The following SPAG16 variants were observed in gnomAD, a reference collection of about 807,000 sequenced individuals.
SPAG16 encodes the protein sperm associated antigen 16.
In SPAG16, 86 loss-of-function variants were observed where a neutral mutation model predicts 80.4. The ratio of observed to expected loss-of-function variants is 1.07; its 90% CI spans 0.90 to 1.28. SPAG16 has a LOEUF of 1.28. SPAG16 is among the 50% of genes most tolerant of loss of function. SPAG16 has a pLI of 0.00. For missense variants in SPAG16, 870 were observed against 765.3 expected (o/e 1.14, Z -1.61); for synonymous variants, 294 against 265.9 (o/e 1.11, Z -1.03).
chr2:213,736,228 G>A (rs146740869), intron 10 of SPAG16, among the ~76,000 whole-genome samples: 1 of 152,068 alleles, frequency 6.6e-6, no homozygotes, highest in East Asian at 1.9e-4. Flanking sequence ...AAATGTTTTG[G>A]GATTATCATA....
intron 12 of SPAG16, among the ~76,000 whole-genome samples, chr2:213,943,904 G>T (rs1327287970): frequency 6.6e-6 from 1 of 152,156 alleles, no homozygotes; most frequent in Non-Finnish European, 1.5e-5. Context: ...AGAAATACTG[G>T]CACCAAAATG....
chr2:214,094,025 A>G (rs1355742689), intron 13 of SPAG16, among the ~76,000 whole-genome samples: 1 of 152,082 alleles, frequency 6.6e-6, no homozygotes, highest in African/African-American at 2.4e-5. Flanking sequence ...CTGGGAGCTT[A>G]TGAGAAATTC....
chr2:214,065,440 C>T (rs1204384590), intron 13 of SPAG16, among the ~76,000 whole-genome samples: 8 of 152,054 alleles, frequency 5.3e-5, no homozygotes, highest in Non-Finnish European at 1.2e-4. Context: ...TGAAAGTTCT[C>T]ATCTAATATT....
chr2:214,360,839 G>A (rs949878568), intron 15 of SPAG16, among the ~76,000 whole-genome samples: 9 of 151,860 alleles, frequency 5.9e-5, no homozygotes, highest in Admixed American at 3.9e-4. Context: ...ACTCAAATAA[G>A]CGTCAATGGT....
At chr2:213,594,197 A>G (rs142155905) in intron 10 of SPAG16, among the ~76,000 whole-genome samples, 57 of 152,248 alleles carry the variant, frequency 3.7e-4, no homozygotes, top group Middle Eastern at 3.4e-3. Flanking sequence ...CATACCTAGC[A>G]CAGATTTTAG....
At chr2:213,975,071 T>G (rs1219556316) in intron 12 of SPAG16, among the ~76,000 whole-genome samples, 2 of 151,282 alleles carry the variant, frequency 1.3e-5, no homozygotes, top group Non-Finnish European at 1.5e-5. Context: ...AAATAAAAAT[T>G]TATAGACTTT....
At chr2:214,252,365 A>C (rs974367429) in intron 15 of SPAG16, among the ~76,000 whole-genome samples, 2 of 151,962 alleles carry the variant, frequency 1.3e-5, no homozygotes, top group Admixed American at 1.3e-4. Context: ...TTACATAGGT[A>C]TACACGTGCC....
At chr2:213,886,914 A>G (rs1367023060) in intron 11 of SPAG16, among the ~76,000 whole-genome samples, 1 of 152,190 alleles carries the variant, frequency 6.6e-6, no homozygotes, top group East Asian at 1.9e-4. Context: ...TATTAAAATT[A>G]TCAAAATCTG....
chr2:213,879,214 G>A (rs1335466426), intron 11 of SPAG16, among the ~76,000 whole-genome samples: 1 of 151,744 alleles, frequency 6.6e-6, no homozygotes, highest in African/African-American at 2.4e-5. Flanking sequence ...GATAGAGATT[G>A]CACTTAAACT....
chr2:213,759,705 A>C (rs190631160), intron 10 of SPAG16, among the ~76,000 whole-genome samples: 1 of 152,320 alleles, frequency 6.6e-6, no homozygotes, highest in East Asian at 1.9e-4. Context: ...AAAGATAGTA[A>C]TGCAGGAAAT....
chr2:214,208,520 T>C (rs1346158496), intron 15 of SPAG16, among the ~76,000 whole-genome samples: 3 of 152,310 alleles, frequency 2.0e-5, no homozygotes, highest in South Asian at 2.1e-4. Flanking sequence ...CTTTATTTTG[T>C]GTAATGAGCC....
At chr2:214,060,577 A>G (rs2125176535) in intron 13 of SPAG16, among the ~76,000 whole-genome samples, 1 of 152,354 alleles carries the variant, frequency 6.6e-6, no homozygotes, top group Admixed American at 6.5e-5. Context: ...AATACTTATA[A>G]TGATAAAACT....
chr2:213,456,973 T>C (rs2072055910), intron 9 of SPAG16, among the ~76,000 whole-genome samples: 1 of 152,110 alleles, frequency 6.6e-6, no homozygotes, highest in South Asian at 2.1e-4. Context: ...TTTTTTTGAG[T>C]TATGTGTCCT....
At chr2:213,362,671 G>C (rs2066049202) in intron 7 of SPAG16, among the ~76,000 whole-genome samples, 1 of 152,070 alleles carries the variant, frequency 6.6e-6, no homozygotes, top group African/African-American at 2.4e-5. Context: ...CTCAAATCTA[G>C]GGCTATTCTG....
chr2:214,187,615 C>T (rs1283856597), intron 15 of SPAG16, among the ~76,000 whole-genome samples: 1 of 151,870 alleles, frequency 6.6e-6, no homozygotes, highest in Non-Finnish European at 1.5e-5. Flanking sequence ...GCTTTTTCAT[C>T]CACTGTAGCA....
chr2:213,940,718 T>C (rs374830935), intron 12 of SPAG16, among the ~76,000 whole-genome samples: 1 of 152,216 alleles, frequency 6.6e-6, no homozygotes, highest in African/African-American at 2.4e-5. Context: ...TCATAAATTA[T>C]GTATCTGCAC....
At chr2:213,588,564 A>G (rs2060551365) in intron 10 of SPAG16, among the ~76,000 whole-genome samples, 1 of 150,822 alleles carries the variant, frequency 6.6e-6, no homozygotes, top group Non-Finnish European at 1.5e-5. Flanking sequence ...GCACTTTGGG[A>G]GGCCGAGGCG....
At chr2:213,670,237 C>G (rs976266638) in intron 10 of SPAG16, among the ~76,000 whole-genome samples, 5 of 152,094 alleles carry the variant, frequency 3.3e-5, no homozygotes, top group Admixed American at 6.6e-5. Context: ...ACCTTGTGAT[C>G]TGCCTGGCTC....
At chr2:213,508,021 A>G (rs2075040496) in intron 10 of SPAG16, among the ~76,000 whole-genome samples, 1 of 152,234 alleles carries the variant, frequency 6.6e-6, no homozygotes, top group African/African-American at 2.4e-5. Context: ...AACAATAGCC[A>G]TCACATTGTA....
Sources: allele counts gnomAD v4.1 joint callset (sites outside exome capture counted in the v4.1 genomes callset), GRCh38; gene constraint gnomAD v4.1.1; transcripts MANE v1.5; gene names NCBI Gene and HGNC (gene_info 2026-07-23, HGNC 2026-07-21).